TRIM72: variants seen among roughly 807,000 people sequenced by gnomAD.
TRIM72 encodes tripartite motif containing 72, also known as tripartite motif-containing protein 72.
Under a neutral mutation model 31.6 loss-of-function variants are expected in TRIM72, and 33 were observed. The observed-to-expected ratio is 1.04, with a 90% CI of 0.79 to 1.40. The LOEUF is 1.40. Among genes scored for constraint, TRIM72 ranks in the 40% most tolerant of loss-of-function variants. TRIM72 has a pLI of 0.00. For synonymous variants in TRIM72, 301 were observed against 314.4 expected (o/e 0.96, Z 0.45); for missense variants, 666 against 682.7 (o/e 0.98, Z 0.27).
chr16:31,216,901 G>T lies in TRIM72; in HGVS notation c.390+1773G>T. 1 of 1,613,936 alleles carries T rather than the reference G, an allele frequency of 6.2e-7. No individual in the cohort carries two copies. The highest frequency in any genetic ancestry group is 8.5e-7 in the Non-Finnish European group (1 of 1,180,030). ...GTCCACGATATCTAGCTGCCCGAGC[G>T]CGCCCCGCGGGATGCGCTCAAAGCC... On this transcript the variant is annotated intron_variant, in intron 2 of 6. Coordinates refer to ENST00000322122, the MANE Select transcript of TRIM72 (RefSeq NM_001008274.4). This position sits in a 1 kb window ranked among gnomAD's most constrained non-coding sequence, Gnocchi z 6.7.
In TRIM72 at chr16:31,215,160, G is replaced by C; in HGVS notation, c.390+32G>C. On this transcript the variant is annotated intron_variant, in intron 2 of 6. Transcript: ENST00000322122. This position sits in a 1 kb window ranked among gnomAD's most constrained non-coding sequence, Gnocchi z 6.3. ...GATCCGCGCGCATCGTGGTCGGAGGGGCTGTTCGGTGGCACGGGGCCGATG... is the reference window on the plus strand; with the variant it reads ...GATCCGCGCGCATCGTGGTCGGAGGCGCTGTTCGGTGGCACGGGGCCGATG... 1 of 1,429,390 alleles carries C rather than the reference G, an allele frequency of 7.0e-7. No homozygotes were observed. Among genetic ancestry groups the C allele is most frequent in the Non-Finnish European group, 9.1e-7 (1 of 1,100,382 alleles). The allele number at this position is 1,429,390 out of a possible 1,614,324, so 88.5% of individuals were successfully genotyped here. A position where few individuals can be genotyped will look rare whatever the true frequency, so the allele number is the denominator to read the frequency against.
intron 5 of TRIM72, among the ~76,000 whole-genome samples, chr16:31,221,244 G>A (rs1010391804): frequency 3.3e-5 from 5 of 152,214 alleles, no homozygotes; most frequent in Admixed American, 6.5e-5. Flanking sequence ...AGCTGGCTAG[G>A]CAAAGCGTTG....
chr16:31,224,630 C>T lies in TRIM72; in HGVS notation c.1309C>T (p.Pro437Ser), dbSNP rs776184212. 2.3e-5 allele frequency: 36 copies of T among 1,548,822 alleles called. No homozygotes were observed. Among genetic ancestry groups the T allele is most frequent in the Non-Finnish European group, 3.1e-5 (36 of 1,153,370 alleles). ...YDASDADALVPLFAFHERLPR... is the reference protein window; with the variant it reads ...YDASDADALVSLFAFHERLPR... ...TGCCAGCGACGCCGACGCGCTCGTG[C>T]CGCTTTTTGCCTTCCACGAGCGCCT... Residue 437 changes from proline to serine, a missense_variant, in exon 7 of 7, where the codon CCG becomes TCG. Coordinates refer to ENST00000322122, the MANE Select transcript of TRIM72 (RefSeq NM_001008274.4).
chr16:31,222,482 C>CTTTTTTTTTT (rs3060409), intron 5 of TRIM72, among the ~76,000 whole-genome samples: 3 of 117,952 alleles, frequency 2.5e-5, no homozygotes, highest in Non-Finnish European at 5.0e-5. Flanking sequence ...TCTTCTTCTT[C>CTTTTTTTTTT]TTTTTTTTTT....
At chr16:31,220,988 T>A (rs374090569) in intron 5 of TRIM72, 70 bp downstream of exon 5, 253 of 1,592,092 alleles carry the variant, frequency 1.6e-4, no homozygotes, top group Non-Finnish European at 2.1e-4. Flanking sequence ...GCCGGCTCAC[T>A]CTCCACTCAC....
Position 31,216,033 on chromosome 16 carries a change from G to A in TRIM72, c.390+905G>A. ...AGGTGCAGGGGCTGGAGGAGGCGGGGTCTGGAGGCACGGAGGCGTCCTTGG... is the reference window on the plus strand; with the variant it reads ...AGGTGCAGGGGCTGGAGGAGGCGGGATCTGGAGGCACGGAGGCGTCCTTGG... On this transcript the variant is annotated intron_variant, in intron 2 of 6. Coordinates refer to ENST00000322122, the MANE Select transcript of TRIM72 (RefSeq NM_001008274.4). This position sits in a 1 kb window ranked among gnomAD's most constrained non-coding sequence, Gnocchi z 6.7. The A allele has an allele frequency of 6.6e-6, 1 of 152,326 alleles. No individual in the cohort carries two copies. Among genetic ancestry groups the A allele is most frequent in the East Asian group, 1.9e-4 (1 of 5,194 alleles). 9.4% of individuals were successfully genotyped at this position (152,326 alleles called of 1,614,324 possible).
At chr16:31,217,009 G>T in intron 2 of TRIM72, 1 of 1,612,814 alleles carries the variant, frequency 6.2e-7, no homozygotes, top group Non-Finnish European at 8.5e-7. Flanking sequence ...CTTCAGGATG[G>T]CCTCGCGCTT....
rs2079559106 is a variant in TRIM72, at chr16:31,227,792, A to G, written c.*3037A>G. 6.6e-6 allele frequency: 1 copy of G among 151,800 alleles called. No individual in the cohort carries two copies. The highest frequency in any genetic ancestry group is 1.5e-5 in the Non-Finnish European group (1 of 67,984). 9.4% of individuals were successfully genotyped at this position (151,800 alleles called of 1,614,324 possible). On this transcript the variant is annotated 3_prime_UTR_variant, in exon 7 of 7. Coordinates refer to ENST00000322122, the MANE Select transcript of TRIM72 (RefSeq NM_001008274.4). ...TGGCAGGCACCCATCACCATGCCTG[A>G]CTATTTTTTATTTTTTGTATTTTGG...
At position 31,224,732 on chromosome 16, in the gene TRIM72, G is replaced by T. The variant is rs758502754; in HGVS notation, c.1411G>T (p.Gly471Cys). The stretch of plus-strand genomic sequence containing the variant: ...GAATGCCCAGCCGCTGCTGCTCGTG[G>T]GTCCCGAAGGCGCCGAGGCCTGAGC... ...GKNAQPLLLV[G>C]PEGAEA The change falls in exon 7 of 7, where the codon GGT (glycine) becomes TGT (cysteine). Residue 471 changes from glycine to cysteine, a missense_variant. Physicochemically the swap from Gly to Cys is radical, Grantham distance 159. Transcript: ENST00000322122. 6.6e-7 allele frequency: 1 copy of T among 1,513,498 alleles called. No homozygotes were observed. Among genetic ancestry groups the T allele is most frequent in the South Asian group, 1.2e-5 (1 of 82,246 alleles). 93.8% of individuals were successfully genotyped at this position (1,513,498 alleles called of 1,614,324 possible).
rs2079500015 is a variant in TRIM72, at chr16:31,214,948, G to A, written c.210G>A (p.Gln70=). ...TRPQALSTNL[Q]LARLVEGLAQ... ...CGCAGGCACTCAGCACCAACCTGCA[G>A]CTGGCGCGCCTGGTGGAGGGGCTGG... Residue 70 remains glutamine, a synonymous_variant, in exon 2 of 7, where the codon CAG becomes CAA. Coordinates refer to ENST00000322122, the MANE Select transcript of TRIM72 (RefSeq NM_001008274.4). 1 of 1,492,160 alleles carries A rather than the reference G, an allele frequency of 6.7e-7. No homozygotes were observed. Among genetic ancestry groups the A allele is most frequent in the Non-Finnish European group, 8.9e-7 (1 of 1,129,062 alleles). 92.4% of individuals were successfully genotyped at this position (1,492,160 alleles called of 1,614,324 possible).
chr16:31,224,263 G>T lies in TRIM72; in HGVS notation c.942G>T (p.Ser314=). 3.7e-6 allele frequency: 6 copies of T among 1,604,598 alleles called. No individual in the cohort carries two copies. The highest frequency in any genetic ancestry group is 5.1e-6 in the Non-Finnish European group (6 of 1,179,522). Residue 314 remains serine, a synonymous_variant, in exon 7 of 7, where the codon TCG becomes TCT. Transcript: ENST00000322122. ...VSSSGRRVEC[S]EQKAPPAGED... is the part of the protein sequence containing the mutation. ...CCTCTGGCCGCCGCGTGGAGTGCTCGGAGCAGAAGGCGCCGCCGGCCGGGG... is the reference window on the plus strand; with the variant it reads ...CCTCTGGCCGCCGCGTGGAGTGCTCTGAGCAGAAGGCGCCGCCGGCCGGGG...
Position 31,214,802 on chromosome 16 carries a change from G to T in TRIM72, c.64G>T (p.Asp22Tyr). ...LSCPLCLQLF[D>Y]APVTAECGHS... The stretch of plus-strand genomic sequence containing the variant: ...CTGCCCGCTGTGCCTGCAGCTGTTC[G>T]ACGCGCCCGTGACAGCCGAGTGCGG... The change falls in exon 2 of 7, where the codon GAC becomes TAC. Residue 22 changes from aspartate (D) to tyrosine (Y), a missense_variant. Coordinates refer to ENST00000322122, the MANE Select transcript of TRIM72 (RefSeq NM_001008274.4). 1 of 1,579,418 alleles carries T rather than the reference G, an allele frequency of 6.3e-7. No homozygotes were observed. The highest frequency in any genetic ancestry group is 2.3e-5 in the East Asian group (1 of 42,940).
At chr16:31,218,296 G>C (rs1335436388) in intron 2 of TRIM72, among the ~76,000 whole-genome samples, 2 of 152,136 alleles carry the variant, frequency 1.3e-5, no homozygotes, top group African/African-American at 4.8e-5. Flanking sequence ...TGTAATCCCA[G>C]CATGCTGGGA....
At position 31,219,154 on chromosome 16, in the gene TRIM72, T is replaced by C. The variant is rs759322377; in HGVS notation, c.450T>C (p.Ser150=). 2 of 1,607,780 alleles carry C rather than the reference T, an allele frequency of 1.2e-6. No individual in the cohort carries two copies. Among genetic ancestry groups the C allele is most frequent in the Admixed American group, 1.7e-5 (1 of 58,664 alleles). ...LQEACMRKEK[S]VAVLEHQLVE... ...AGGCATGCATGCGCAAGGAGAAGAG[T>C]GTGGCTGTGCTGGAGCATCAGCTGG... The change falls in exon 3 of 7, where the codon AGT becomes AGC. Residue 150 remains serine, a synonymous_variant. Coordinates refer to ENST00000322122, the MANE Select transcript of TRIM72 (RefSeq NM_001008274.4). The surrounding 1 kb of genome is among the most constrained non-coding windows in gnomAD (Gnocchi z 4.2).
rs762111520 is a variant in TRIM72, at chr16:31,224,837, G to C, written c.*82G>C. The C allele has an allele frequency of 1.1e-3, 1,481 of 1,355,796 alleles. 1 individual carries two copies. Among genetic ancestry groups the C allele is most frequent in the Non-Finnish European group, 1.3e-3 (1,310 of 1,044,050 alleles). 84.0% of individuals were successfully genotyped at this position (1,355,796 alleles called of 1,614,324 possible). A position where few individuals can be genotyped will look rare whatever the true frequency, so the allele number is the denominator to read the frequency against. On this transcript the variant is annotated 3_prime_UTR_variant, in exon 7 of 7. Coordinates refer to ENST00000322122, the MANE Select transcript of TRIM72 (RefSeq NM_001008274.4). ...TGGTCGGGTCTGACGGGAGAAGGGTGGGGAGCGGGTTGCCAGGGCCCAGGG... is the reference window on the plus strand; with the variant it reads ...TGGTCGGGTCTGACGGGAGAAGGGTCGGGAGCGGGTTGCCAGGGCCCAGGG...
At chr16:31,217,131 A>G (rs777148088) in intron 2 of TRIM72, 1 of 1,271,846 alleles carries the variant, frequency 7.9e-7, no homozygotes, top group Non-Finnish European at 1.1e-6. Context: ...CCCGGGAAGG[A>G]GACTGATCTG....
chr16:31,226,435 A>C lies in TRIM72; in HGVS notation c.*1680A>C, dbSNP rs2144202418. The stretch of plus-strand genomic sequence containing the variant: ...ATAGTGAGACCCTGTTGCAACAAAA[A>C]CCAGAAAAACAACAAAAAGAAGACA... On this transcript the variant is annotated 3_prime_UTR_variant, in exon 7 of 7. Coordinates refer to ENST00000322122, the MANE Select transcript of TRIM72 (RefSeq NM_001008274.4). 6.6e-6 allele frequency: 1 copy of C among 152,192 alleles called. No homozygotes were observed. The highest frequency in any genetic ancestry group is 2.1e-4 in the South Asian group (1 of 4,810). The allele number at this position is 152,192 out of a possible 1,614,324, so 9.4% of individuals were successfully genotyped here. A position where few individuals can be genotyped will look rare whatever the true frequency, so the allele number is the denominator to read the frequency against.
At position 31,230,173 on chromosome 16, in the gene TRIM72, C is replaced by T. The variant is rs1360326326; in HGVS notation, c.*5418C>T. On this transcript the variant is annotated 3_prime_UTR_variant, in exon 7 of 7. Transcript: ENST00000322122. ...CCTGAGGAAGAGAAAGAGCTAAAGT[C>T]CTTTAAAAATTAACTGCCTGTTTTT... The T allele has an allele frequency of 6.6e-6, 1 of 152,178 alleles. No homozygotes were observed. Among genetic ancestry groups the T allele is most frequent in the East Asian group, 1.9e-4 (1 of 5,190 alleles). The allele number at this position is 152,178 out of a possible 1,614,324, so 9.4% of individuals were successfully genotyped here.
At chr16:31,220,105 G>A (rs960580881) in intron 4 of TRIM72, among the ~76,000 whole-genome samples, 2 of 151,436 alleles carry the variant, frequency 1.3e-5, no homozygotes, top group African/African-American at 4.9e-5. Flanking sequence ...CCAGGCTGGA[G>A]TGCAGTGGCA....
Sources: gnomAD v4.1 joint callset for allele counts (sites outside exome capture counted in the v4.1 genomes callset) on GRCh38, gnomAD v4.1.1 for gene constraint, Gnocchi (gnomAD v3.1) non-coding constraint, MANE v1.5 for transcripts, NCBI Gene and HGNC (gene_info 2026-07-23, HGNC 2026-07-21) for gene names.